The following SCGB2B2 variants were observed in gnomAD, a reference collection of about 807,000 sequenced individuals.
The protein encoded by SCGB2B2 is secretoglobin-like protein.
Under a neutral mutation model 7.6 loss-of-function variants are expected in SCGB2B2, and 11 were observed. The ratio of observed to expected loss-of-function variants is 1.45; its 90% CI spans 0.91 to 2.40. The LOEUF (loss-of-function observed/expected upper bound fraction) is 2.40, where lower values mean the gene tolerates loss of function less well. SCGB2B2 is among the 30% of genes most tolerant of loss of function. The pLI is 0.00. For synonymous variants in SCGB2B2, 50 were observed against 48.6 expected (o/e 1.03, Z -0.12); for missense variants, 104 against 115.4 (o/e 0.90, Z 0.45).
At chr19:34,645,887 G>A in intron 1 of SCGB2B2, 1 of 250,174 alleles carries the variant, frequency 4.0e-6, no homozygotes, top group African/African-American at 2.3e-5. Context: ...CCACCACAGG[G>A]GATGCCTGCC....
chr19:34,598,571 A>G (rs1568428271), intron 1 of SCGB2B2, among the ~76,000 whole-genome samples: 1 of 151,952 alleles, frequency 6.6e-6, no homozygotes, highest in Non-Finnish European at 1.5e-5. Context: ...CAGGGGGAAA[A>G]CCATGGGGCA....
chr19:34,656,143 C>G (rs2067276174), intron 1 of SCGB2B2, among the ~76,000 whole-genome samples: 1 of 151,214 alleles, frequency 6.6e-6, no homozygotes, highest in African/African-American at 2.5e-5. Flanking sequence ...ATAAAGAAAA[C>G]TATATGCTGA....
At chr19:34,637,941 A>G (rs2066732599) in intron 1 of SCGB2B2, among the ~76,000 whole-genome samples, 1 of 152,170 alleles carries the variant, frequency 6.6e-6, no homozygotes, top group Admixed American at 6.5e-5. Context: ...TGAGGCTGTG[A>G]CAGTAGTTTA....
intron 1 of SCGB2B2, chr19:34,608,719 A>G (rs1261455436): frequency 7.9e-6 from 1 of 126,110 alleles, no homozygotes; most frequent in African/African-American, 3.2e-5. Flanking sequence ...TTGTTGATGG[A>G]CACTGAGGTT....
chr19:34,658,806 ACAACAAC>A (rs1302555460), intron 1 of SCGB2B2, among the ~76,000 whole-genome samples: 12 of 56,448 alleles, frequency 2.1e-4, no homozygotes, highest in African/African-American at 5.0e-4. Context: ...AACAACAACA[ACAACAAC>A]AAAAAAAAAA....
At chr19:34,600,038 G>T (rs893391107) in intron 1 of SCGB2B2, among the ~76,000 whole-genome samples, 18 of 151,432 alleles carry the variant, frequency 1.2e-4, no homozygotes, top group South Asian at 2.1e-4. Flanking sequence ...TGATTTTATG[G>T]TTTTTTTTTA....
chr19:34,654,382 C>A (rs756126293), intron 1 of SCGB2B2, among the ~76,000 whole-genome samples: 6 of 150,940 alleles, frequency 4.0e-5, no homozygotes, highest in Non-Finnish European at 7.4e-5. Context: ...GATAGAGGAG[C>A]CTTAATTTGG....
At chr19:34,659,266 C>T (rs1483716403) in intron 1 of SCGB2B2, among the ~76,000 whole-genome samples, 3 of 152,180 alleles carry the variant, frequency 2.0e-5, no homozygotes, top group African/African-American at 7.2e-5. Context: ...TCCTATTCAA[C>T]ACAGTGTTGG....
chr19:34,593,692 C>T, intron 3 of SCGB2B2, 93 bp from the exon 4 acceptor site: 1 of 1,008,754 alleles, frequency 9.9e-7, no homozygotes, highest in South Asian at 1.4e-5. Context: ...CTCAGAGGAG[C>T]TCCTTGAGTG....
chr19:34,586,130 G>A (rs2065185793), downstream of SCGB2B2, among the ~76,000 whole-genome samples: 1 of 152,144 alleles, frequency 6.6e-6, no homozygotes, highest in East Asian at 1.9e-4. Flanking sequence ...TTTTGGGGAA[G>A]GGCTATTATC....
chr19:34,650,062 G>A (rs575036926), intron 1 of SCGB2B2, among the ~76,000 whole-genome samples: 4 of 151,198 alleles, frequency 2.6e-5, no homozygotes, highest in Non-Finnish European at 5.9e-5. Flanking sequence ...TCTCCAGCAT[G>A]GGCTCTGCAT....
chr19:34,615,468 G>A (rs77252054), intron 1 of SCGB2B2, among the ~76,000 whole-genome samples: 2,127 of 150,690 alleles, frequency 0.014, 19 homozygotes, highest in Non-Finnish European at 0.021. Context: ...TCTCAATGTA[G>A]GCATCCTGAG....
intron 1 of SCGB2B2, among the ~76,000 whole-genome samples, chr19:34,666,907 G>A (rs574059008): frequency 2.6e-5 from 4 of 152,086 alleles, no homozygotes; most frequent in Admixed American, 6.5e-5. Flanking sequence ...CCCGCAGCTC[G>A]TGACCGTCAT....
intron 1 of SCGB2B2, among the ~76,000 whole-genome samples, chr19:34,644,940 G>A (rs752699716): frequency 3.9e-5 from 6 of 152,210 alleles, no homozygotes; most frequent in Admixed American, 6.5e-5. Flanking sequence ...AGCACAACGA[G>A]CTTGGGAGGT....
chr19:34,644,234 A>G (rs1304262318), intron 1 of SCGB2B2, among the ~76,000 whole-genome samples: 1 of 152,014 alleles, frequency 6.6e-6, no homozygotes, highest in Non-Finnish European at 1.5e-5. Flanking sequence ...GGGTCTCACT[A>G]TGTTGCCCAA....
intron 1 of SCGB2B2, among the ~76,000 whole-genome samples, chr19:34,615,111 G>A (rs1301092889): frequency 6.6e-6 from 1 of 152,190 alleles, no homozygotes; most frequent in Non-Finnish European, 1.5e-5. Context: ...AAGGGGATCT[G>A]TGGCTATTAG....
At chr19:34,627,659 A>T (rs1366303009) in intron 1 of SCGB2B2, among the ~76,000 whole-genome samples, 1 of 152,202 alleles carries the variant, frequency 6.6e-6, no homozygotes, top group African/African-American at 2.4e-5. Context: ...CTCCCATACA[A>T]TAATAATGGG....
At chr19:34,644,362 G>GTTTTTTTTTTTT (rs75799133) in intron 1 of SCGB2B2, among the ~76,000 whole-genome samples, 1 of 134,354 alleles carries the variant, frequency 7.4e-6, no homozygotes, top group Non-Finnish European at 1.6e-5. Flanking sequence ...TTTTTTTTTT[G>GTTTTTTTTTTTT]TTTTTTTTTT....
At chr19:34,629,666 T>C (rs1398375155) in intron 1 of SCGB2B2, among the ~76,000 whole-genome samples, 1 of 151,976 alleles carries the variant, frequency 6.6e-6, no homozygotes, top group East Asian at 1.9e-4. Flanking sequence ...GTAGGAAGAA[T>C]CAATATCGTG....
Sources: allele counts gnomAD v4.1 joint callset (sites outside exome capture counted in the v4.1 genomes callset), GRCh38; gene constraint gnomAD v4.1.1; transcripts MANE v1.5; gene names NCBI Gene and HGNC (gene_info 2026-07-23, HGNC 2026-07-21).